Variants in ZNF44 observed in about 807,000 individuals in gnomAD.
ZNF44 encodes zinc finger protein 44.
In ZNF44, 9 loss-of-function variants were observed where a neutral mutation model predicts 11.7. That is an observed-to-expected ratio of 0.77 (90% CI 0.46 to 1.35). The LOEUF is 1.35. Ranked by LOEUF, ZNF44 falls within the 40% of genes most tolerant of loss-of-function variation. The probability of loss-of-function intolerance (pLI) is 0.00; values close to 1 mark genes in which losing one functional copy is unlikely to be tolerated. For synonymous variants in ZNF44, 224 were observed against 242.7 expected, an observed-to-expected ratio of 0.92 and a Z score of 0.72; for missense variants, 696 against 743.1, an observed-to-expected ratio of 0.94 and a Z score of 0.74.
At chr19:12,282,161 G>C (rs1967499091) in intron 1 of ZNF44, among the ~76,000 whole-genome samples, 1 of 152,116 alleles carries the variant, frequency 6.6e-6, no homozygotes, top group Non-Finnish European at 1.5e-5. Context: ...TCATCTGCTT[G>C]ATATTGGACT....
chr19:12,238,064 T>A (rs1259310342), upstream of ZNF44: 3 of 152,222 alleles, frequency 2.0e-5, no homozygotes. Context: ...GATAAGCGGC[T>A]GGTGGCATGG....
chr19:12,250,208 A>G (rs1916934755), intron 6 of ZNF44: 2 of 1,334,796 alleles, frequency 1.5e-6, no homozygotes, highest in Admixed American at 4.4e-5. Flanking sequence ...TCTCTAATTC[A>G]TTCAACAACA....
chr19:12,242,562 C>A (rs1916655763), upstream of ZNF44: 1 of 149,418 alleles, frequency 6.7e-6, no homozygotes, highest in African/African-American at 2.5e-5. Context: ...ACGGCTCACA[C>A]CTGTAATCCC....
intron 1 of ZNF44, among the ~76,000 whole-genome samples, chr19:12,279,302 C>T (rs964749137): frequency 2.0e-5 from 3 of 152,058 alleles, no homozygotes; most frequent in African/African-American, 7.2e-5. Context: ...AGGAGGACCA[C>T]TTGAGGCCAG....
intron 5 of ZNF44, chr19:12,260,020 C>G: frequency 2.2e-6 from 1 of 452,800 alleles, no homozygotes; most frequent in South Asian, 1.8e-5. Flanking sequence ...TGTATACAGT[C>G]CCCCCTCCAC....
At chr19:12,294,549 C>T (rs1727596892) in intron 1 of ZNF44, 143 bp downstream of exon 1, 6 of 1,199,130 alleles carry the variant, frequency 5.0e-6, no homozygotes, top group East Asian at 2.9e-5. Flanking sequence ...GCCAAACGGA[C>T]CGAGGACCGA....
At chr19:12,290,398 A>AC (rs1967957541) in intron 1 of ZNF44, among the ~76,000 whole-genome samples, 1 of 144,206 alleles carries the variant, frequency 6.9e-6, no homozygotes, top group African/African-American at 2.6e-5. Context: ...TCTTAAACAA[A>AC]AAAAAAAAAA....
intron 1 of ZNF44, among the ~76,000 whole-genome samples, chr19:12,278,571 A>T (rs189467025): frequency 5.7e-4 from 86 of 152,166 alleles, no homozygotes; most frequent in African/African-American, 2.0e-3. Context: ...TCTCTACAAA[A>T]AATAAACAAA....
chr19:12,258,869 C>T (rs774137467), intron 5 of ZNF44, among the ~76,000 whole-genome samples: 9 of 151,910 alleles, frequency 5.9e-5, no homozygotes, highest in African/African-American at 1.2e-4. Context: ...TCAGAGCTTC[C>T]TTGGTCACTG....
At chr19:12,279,718 A>C (rs948662108) in intron 1 of ZNF44, among the ~76,000 whole-genome samples, 11 of 152,094 alleles carry the variant, frequency 7.2e-5, no homozygotes, top group African/African-American at 2.7e-4. Flanking sequence ...AAATATGTTA[A>C]AAATTGAGCC....
At chr19:12,268,172 ACACACACAC>A (rs1469082649), downstream of ZNF44, among the ~76,000 whole-genome samples, 2 of 143,252 alleles carry the variant, frequency 1.4e-5, no homozygotes, top group Admixed American at 1.4e-4. Context: ...ACACACACAC[ACACACACAC>A]AAGCTCCTTC....
intron 1 of ZNF44, among the ~76,000 whole-genome samples, chr19:12,278,594 T>C (rs1233003608): frequency 6.6e-6 from 1 of 151,992 alleles, no homozygotes; most frequent in Non-Finnish European, 1.5e-5. Context: ...TAGGTGGGTA[T>C]GGTGGCGCAT....
At chr19:12,248,233 G>C (rs757189418) in exon 8 of ZNF44, 7 of 1,302,074 alleles carry the variant, frequency 5.4e-6, no homozygotes, top group Non-Finnish European at 7.0e-6. Flanking sequence ...TCATGTTTTT[G>C]AGCAGATTGG....
exon 8 of ZNF44, chr19:12,248,079 G>A: frequency 7.6e-7 from 1 of 1,320,958 alleles, no homozygotes; most frequent in Non-Finnish European, 1.0e-6. Context: ...ACCTACAGAA[G>A]ATATGTAGGT....
At position 12,294,675 on chromosome 19, in the gene ZNF44, G is replaced by C; in HGVS notation, c.3+17C>G. ...GCCCTTCGCCCTGCCTCAGGACGCC[G>C]GGCCCCGCACACTCACCATTTCCCG... On this transcript the variant is annotated intron_variant, in intron 1 of 3. Coordinates refer to ENST00000355684, the MANE Select transcript of ZNF44 (RefSeq NM_016264.4). 1.3e-6 allele frequency: 2 copies of C among 1,559,188 alleles called. No homozygotes were observed. Among genetic ancestry groups the C allele is most frequent in the Non-Finnish European group, 1.7e-6 (2 of 1,152,726 alleles).
At chr19:12,285,815 G>A (rs573386052) in intron 1 of ZNF44, among the ~76,000 whole-genome samples, 6 of 151,990 alleles carry the variant, frequency 3.9e-5, no homozygotes, top group South Asian at 2.1e-4. Flanking sequence ...TCAGGAGATC[G>A]AGACCATCCT....
chr19:12,263,000 A>G (rs1393551753), intron 5 of ZNF44, among the ~76,000 whole-genome samples: 1 of 152,132 alleles, frequency 6.6e-6, no homozygotes, highest in East Asian at 1.9e-4. Flanking sequence ...TCAGACTCTC[A>G]CCATTAAGGT....
At chr19:12,268,009 G>A (rs1274094977), downstream of ZNF44, among the ~76,000 whole-genome samples, 3 of 151,704 alleles carry the variant, frequency 2.0e-5, no homozygotes, top group Non-Finnish European at 2.9e-5. Context: ...GCTAATTTTT[G>A]TATTTTTAAC....
At chr19:12,280,665 C>G (rs1428053839) in intron 1 of ZNF44, among the ~76,000 whole-genome samples, 1 of 151,916 alleles carries the variant, frequency 6.6e-6, no homozygotes, top group Non-Finnish European at 1.5e-5. Flanking sequence ...AAGGGACTGG[C>G]AGAGTGAAAT....
Sources: allele counts gnomAD v4.1 joint callset (sites outside exome capture counted in the v4.1 genomes callset), GRCh38; gene constraint gnomAD v4.1.1; transcripts MANE v1.5; gene names NCBI Gene and HGNC (gene_info 2026-07-23, HGNC 2026-07-21).